The following MYO10 variants were observed in gnomAD, a reference collection of about 807,000 sequenced individuals.
The protein encoded by MYO10 is myosin X, also known as unconventional myosin-X.
A neutral mutation model predicts 257.3 loss-of-function variants in MYO10; 133 were observed. The observed-to-expected ratio is 0.52, with a 90% CI of 0.45 to 0.60. The LOEUF is 0.60. MYO10 is among the 20% of genes least tolerant of loss of function. MYO10 has a pLI of 0.00. For missense variants in MYO10, 2,399 were observed against 2,635.7 expected (o/e 0.91, Z 1.97); for synonymous variants, 1,104 against 1,028.6 (o/e 1.07, Z -1.40).
rs112881075 is a variant in MYO10 at position 16,850,844 on chromosome 5, C to T, written c.120+26765G>A. 8.8e-4 allele frequency among the ~76,000 whole-genome samples: 134 copies of T among 152,016 alleles called. 1 individual carries two copies. The highest frequency in any genetic ancestry group is 3.0e-3 in the African/African-American group (125 of 41,480). ...GGACATGGAGTCTTGCTCTGTCGTC[C>T]AGGCTGGAGTGCAGTTGCATGATCT... On this transcript the variant is annotated intron_variant, in intron 2 of 40. Coordinates refer to ENST00000513610, the MANE Select transcript of MYO10 (RefSeq NM_012334.3).
chr5:16,892,480 A>G (rs1359299636), intron 1 of MYO10, among the ~76,000 whole-genome samples: 3 of 152,136 alleles, frequency 2.0e-5, no homozygotes, highest in Non-Finnish European at 4.4e-5. Context: ...CGTCACTACA[A>G]AAAAATTCAA....
chr5:16,808,492 A>G (rs76952511), intron 3 of MYO10, among the ~76,000 whole-genome samples: 2,200 of 152,288 alleles, frequency 0.014, 58 homozygotes, highest in African/African-American at 0.05. Context: ...AAAATAAAAA[A>G]TAAACACTTA....
chr5:16,858,700 C>T (rs528770511), intron 2 of MYO10, among the ~76,000 whole-genome samples: 1 of 152,290 alleles, frequency 6.6e-6, no homozygotes, highest in African/African-American at 2.4e-5. Flanking sequence ...TGGCTCATGC[C>T]TGTAATCTCA....
intron 19 of MYO10, among the ~76,000 whole-genome samples, chr5:16,725,475 T>C (rs1251912895): frequency 2.0e-5 from 3 of 152,164 alleles, no homozygotes; most frequent in Non-Finnish European, 4.4e-5. Flanking sequence ...GTTTCTACCA[T>C]TGAACTGAGC....
intron 3 of MYO10, among the ~76,000 whole-genome samples, chr5:16,817,711 G>A (rs1191618119): frequency 6.6e-6 from 1 of 152,090 alleles, no homozygotes; most frequent in Non-Finnish European, 1.5e-5. Flanking sequence ...TTCTTTCCGT[G>A]GCAGAACACT....
intron 1 of MYO10, among the ~76,000 whole-genome samples, chr5:16,880,419 C>A (rs999232772): frequency 2.0e-5 from 3 of 150,766 alleles, no homozygotes; most frequent in African/African-American, 7.5e-5. Context: ...GAGAGTTATA[C>A]GACTCTCCTA....
At chr5:16,766,016 A>T in intron 11 of MYO10, 64 bp downstream of exon 11, 1 of 1,127,364 alleles carries the variant, frequency 8.9e-7, no homozygotes, top group Non-Finnish European at 1.3e-6. Context: ...TTTCAATCAA[A>T]CCTATGGATC....
chr5:16,803,047 G>A (rs963239787), intron 3 of MYO10, among the ~76,000 whole-genome samples: 1 of 150,894 alleles, frequency 6.6e-6, no homozygotes, highest in Non-Finnish European at 1.5e-5. Flanking sequence ...CAAGGCTTCA[G>A]TGAGCCGTGA....
At chr5:16,754,978 C>T in intron 18 of MYO10, 70 bp from the exon 19 acceptor site, 2 of 935,138 alleles carry the variant, frequency 2.1e-6, no homozygotes, top group Non-Finnish European at 3.1e-6. Context: ...GTACTCTAGG[C>T]ACTTAGAAAC....
intron 3 of MYO10, among the ~76,000 whole-genome samples, chr5:16,806,902 C>A (rs746942981): frequency 6.6e-6 from 1 of 152,194 alleles, no homozygotes; most frequent in Non-Finnish European, 1.5e-5. Context: ...TGTTACCCCA[C>A]ATGACCGCTA....
rs1314952971 is a variant in MYO10 at position 16,754,814 on chromosome 5, G to C, written c.1929+14C>G. ...TCGAGACAGATCCCAGCCTAGGACT[G>C]TCATCAATCTTACCTTCTGCATGTT... On this transcript the variant is annotated intron_variant, in intron 19 of 40. Coordinates refer to ENST00000513610, the MANE Select transcript of MYO10 (RefSeq NM_012334.3). 2 of 1,579,774 alleles carry C rather than the reference G, an allele frequency of 1.3e-6. No homozygotes were observed. Among genetic ancestry groups the C allele is most frequent in the South Asian group, 2.3e-5 (2 of 86,276 alleles).
chr5:16,765,749 T>C (rs577363515), intron 11 of MYO10, among the ~76,000 whole-genome samples: 33 of 152,292 alleles, frequency 2.2e-4, no homozygotes, highest in African/African-American at 7.7e-4. Context: ...TGTCTTATAG[T>C]GGAGGAAACT....
At chr5:16,695,232 G>A (rs966782708) in intron 26 of MYO10, among the ~76,000 whole-genome samples, 1 of 152,168 alleles carries the variant, frequency 6.6e-6, no homozygotes, top group Non-Finnish European at 1.5e-5. Context: ...TACTTGGGAG[G>A]CTGGGGTAGG....
chr5:16,875,521 C>G (rs192873698), intron 2 of MYO10, among the ~76,000 whole-genome samples: 1 of 152,316 alleles, frequency 6.6e-6, no homozygotes, highest in East Asian at 1.9e-4. Flanking sequence ...TCCACACTGT[C>G]AGTGACCATT....
At chr5:16,848,231 T>C (rs1743699259) in intron 2 of MYO10, among the ~76,000 whole-genome samples, 1 of 146,576 alleles carries the variant, frequency 6.8e-6, no homozygotes, top group Non-Finnish European at 1.5e-5. Context: ...CAATCTTGGC[T>C]CACTGCAACC....
Position 16,730,623 on chromosome 5 carries a change from C to T in MYO10, c.1930-19378G>A, listed in dbSNP as rs185164768. Among the ~76,000 whole-genome samples the T allele has an allele frequency of 5.3e-5, 8 of 152,274 alleles. No individual in the cohort carries two copies. In the East Asian group the frequency reaches 1.5e-3, roughly 29 times the overall value. On this transcript the variant is annotated intron_variant, in intron 19 of 40. Transcript: ENST00000513610. ...GTACGGGATGCCAAAACCAGAGGGA[C>T]ATCACGGGGCAGTGTCAAGTTCAAG...
intron 29 of MYO10, among the ~76,000 whole-genome samples, chr5:16,684,787 C>T (rs1015621796): frequency 3.9e-5 from 6 of 152,180 alleles, no homozygotes; most frequent in Admixed American, 2.6e-4. Context: ...CAGTGGTTCA[C>T]GCCTGTATCA....
chr5:16,757,317 C>A (rs964298886), intron 18 of MYO10, among the ~76,000 whole-genome samples: 7 of 23,230 alleles, frequency 3.0e-4, no homozygotes, highest in African/African-American at 1.1e-3. Context: ...CACACACACG[C>A]ACACACACAC....
intron 3 of MYO10, among the ~76,000 whole-genome samples, chr5:16,806,271 T>C (rs994662984): frequency 3.6e-5 from 5 of 140,766 alleles, no homozygotes; most frequent in Non-Finnish European, 7.6e-5. Flanking sequence ...AATCGGGAGG[T>C]GGAGGTTGCA....
Sources: gnomAD v4.1 joint callset for allele counts (sites outside exome capture counted in the v4.1 genomes callset) on GRCh38, gnomAD v4.1.1 for gene constraint, MANE v1.5 for transcripts, NCBI Gene and HGNC (gene_info 2026-07-23, HGNC 2026-07-21) for gene names.